Variants in DSTYK observed in about 807,000 individuals in gnomAD.
DSTYK encodes dual serine/threonine and tyrosine protein kinase.
Under a neutral mutation model 98.7 loss-of-function variants are expected in DSTYK, and 34 were observed. The ratio of observed to expected loss-of-function variants is 0.34; its 90% CI spans 0.26 to 0.46. The LOEUF (loss-of-function observed/expected upper bound fraction) is 0.46. DSTYK is among the 20% of genes least tolerant of loss of function. DSTYK has a pLI of 1.00. For synonymous variants in DSTYK, 462 were observed against 457.3 expected, an observed-to-expected ratio of 1.01 and a Z score of -0.13; for missense variants, 962 against 1,181.7, an observed-to-expected ratio of 0.81 and a Z score of 2.73.
intron 2 of DSTYK, among the ~76,000 whole-genome samples, chr1:205,184,027 A>G (rs1658496009): frequency 6.6e-6 from 1 of 152,168 alleles, no homozygotes; most frequent in Non-Finnish European, 1.5e-5. Context: ...AAAAGAGAAG[A>G]GAGAATATAT....
Position 205,174,739 on chromosome 1 carries a change from A to ATTT in DSTYK, c.655-4910_655-4908dup, listed in dbSNP as rs201713692. On this transcript the variant is annotated intron_variant, in intron 2 of 12. Coordinates refer to ENST00000367162, the MANE Select transcript of DSTYK (RefSeq NM_015375.3). ...AAAGGGATTTCAGGCTTTATTTTTA[A>ATTT]TTTTTTTTTTTTTTTTGAGACGGAG... is the stretch of plus-strand genomic sequence containing the variant. Among the ~76,000 whole-genome samples, 179 of 132,042 alleles carry ATTT rather than the reference A, an allele frequency of 1.4e-3. 4 individuals are homozygous for ATTT. Among genetic ancestry groups the ATTT allele is most frequent in the African/African-American group, 2.6e-3 (92 of 35,456 alleles). 86.6% of individuals were successfully genotyped at this position (132,042 alleles called of 152,430 possible). A position where few individuals can be genotyped will look rare whatever the true frequency, so the allele number is the denominator to read the frequency against.
chr1:205,188,336 T>C (rs1658616157), intron 1 of DSTYK, among the ~76,000 whole-genome samples: 1 of 152,202 alleles, frequency 6.6e-6, no homozygotes, highest in African/African-American at 2.4e-5. Context: ...TCAGGCAATT[T>C]TGTCATTGTG....
At chr1:205,157,201 T>A in intron 10 of DSTYK, 72 bp downstream of exon 10, 1 of 1,325,306 alleles carries the variant, frequency 7.5e-7, no homozygotes, top group Non-Finnish European at 1.1e-6. Context: ...CTAACTTACA[T>A]TTACATGTAC....
At chr1:205,175,132 C>T (rs1228774649) in intron 2 of DSTYK, among the ~76,000 whole-genome samples, 1 of 142,860 alleles carries the variant, frequency 7.0e-6, no homozygotes, top group East Asian at 2.2e-4. Context: ...GACAGAGTCT[C>T]GCTCTGTTGC....
chr1:205,167,434 C>T (rs182434554), intron 3 of DSTYK, among the ~76,000 whole-genome samples: 6 of 152,182 alleles, frequency 3.9e-5, no homozygotes, highest in African/African-American at 1.4e-4. Flanking sequence ...TTAAAGAAGA[C>T]TTCATGAAAA....
Position 205,163,831 on chromosome 1 carries a change from T to C in DSTYK, c.1449A>G (p.Ser483=), listed in dbSNP as rs774897273. Residue 483 remains serine (S), a synonymous_variant, in exon 4 of 13, where the codon TCA becomes TCG. Transcript: ENST00000367162. ...NQAVANKLIS[S]VDYLRESFVG... The stretch of plus-strand genomic sequence containing the variant: ...CGAAGCTTTCCCTCAGGTAATCCAC[T>C]GAGCTGATCAGCTTATTAGCCACTG... 7.4e-6 allele frequency: 12 copies of C among 1,614,046 alleles called. No individual in the cohort carries two copies. In the South Asian group the frequency reaches 1.3e-4, roughly 18 times the overall value.
At chr1:205,167,999 G>A (rs372120099) in intron 3 of DSTYK, among the ~76,000 whole-genome samples, 1 of 152,096 alleles carries the variant, frequency 6.6e-6, no homozygotes, top group Non-Finnish European at 1.5e-5. Context: ...CCAGTTACTC[G>A]GGAGGCTGAG....
At chr1:205,156,184 G>T (rs1657555326) in intron 10 of DSTYK, among the ~76,000 whole-genome samples, 1 of 152,260 alleles carries the variant, frequency 6.6e-6, no homozygotes, top group African/African-American at 2.4e-5. Flanking sequence ...ATGCAGAAGG[G>T]ATATGTGGGG....
rs534888184 is a variant in DSTYK, at chr1:205,159,089, T to A, written c.2238+458A>T. Among the ~76,000 whole-genome samples the A allele has an allele frequency of 7.6e-4, 113 of 148,538 alleles. 2 individuals carry two copies. In the East Asian group the frequency reaches 0.013, roughly 17 times the overall value. ...TAGGTTCTGATAAATCTTTAAAAAT[T>A]TTTTTTTTTTATTTTTAGAGATAGG... On this transcript the variant is annotated intron_variant, in intron 9 of 12. Coordinates refer to ENST00000367162, the MANE Select transcript of DSTYK (RefSeq NM_015375.3).
At chr1:205,202,716 G>A (rs1024448394) in intron 1 of DSTYK, 17 of 850,566 alleles carry the variant, frequency 2.0e-5, no homozygotes, top group South Asian at 2.8e-5. Context: ...AGAAACTGAA[G>A]AAACAAAAAC....
chr1:205,155,062 G>A (rs1657518802), intron 10 of DSTYK, among the ~76,000 whole-genome samples: 1 of 152,020 alleles, frequency 6.6e-6, no homozygotes, highest in East Asian at 1.9e-4. Flanking sequence ...TCAGCTCACT[G>A]CAACCTCTGC....
chr1:205,160,936 C>A (rs1482975207), intron 7 of DSTYK, among the ~76,000 whole-genome samples: 1 of 151,970 alleles, frequency 6.6e-6, no homozygotes, highest in African/African-American at 2.4e-5. Context: ...AGTGCCACCA[C>A]GCCCAGCTAA....
intron 1 of DSTYK, among the ~76,000 whole-genome samples, chr1:205,191,530 C>T (rs1228315739): frequency 6.6e-6 from 1 of 152,210 alleles, no homozygotes; most frequent in Non-Finnish European, 1.5e-5. Flanking sequence ...TAATCTTTAA[C>T]ATGCTTTCCA....
In DSTYK at chr1:205,192,466, C is replaced by T. The variant is rs1032791818; in HGVS notation, c.266-4660G>A. ...GAAGACTCCTTGACCCTGGGGAGGT[C>T]GAGGCTGCAGTGATCTGTGATCACG... On this transcript the variant is annotated intron_variant, in intron 1 of 12. Coordinates refer to ENST00000367162, the MANE Select transcript of DSTYK (RefSeq NM_015375.3). 2.0e-4 allele frequency among the ~76,000 whole-genome samples: 31 copies of T among 152,010 alleles called. 1 individual carries two copies. The highest frequency in any genetic ancestry group is 7.5e-4 in the African/African-American group (31 of 41,372).
At chr1:205,198,892 C>T (rs1414570747) in intron 1 of DSTYK, among the ~76,000 whole-genome samples, 3 of 147,856 alleles carry the variant, frequency 2.0e-5, no homozygotes, top group East Asian at 2.0e-4. Flanking sequence ...AGTGTGGTGG[C>T]GCGATCTCGA....
At position 205,145,033 on chromosome 1, in the gene DSTYK, C is replaced by G. The variant is rs1657181738; in HGVS notation, c.*2525G>C. On this transcript the variant is annotated 3_prime_UTR_variant, in exon 13 of 13. Coordinates refer to ENST00000367162, the MANE Select transcript of DSTYK (RefSeq NM_015375.3). Reference sequence around the variant, plus strand: ...GGAAAGGGAACTATATAAGACTTTTCCTAAAATTTCATACACAACAGACTT... The same window carrying G: ...GGAAAGGGAACTATATAAGACTTTTGCTAAAATTTCATACACAACAGACTT... 1 of 152,170 alleles carries G rather than the reference C, an allele frequency of 6.6e-6. No homozygotes were observed. Among genetic ancestry groups the G allele is most frequent in the Non-Finnish European group, 1.5e-5 (1 of 68,024 alleles). 9.4% of individuals were successfully genotyped at this position (152,170 alleles called of 1,614,324 possible). A position where few individuals can be genotyped will look rare whatever the true frequency, so the allele number is the denominator to read the frequency against.
rs991915655 is a variant in DSTYK at position 205,202,154 on chromosome 1, G to GC, written c.265+9116dup. 2.4e-5 allele frequency: 13 copies of GC among 537,302 alleles called. No homozygotes were observed. In the African/African-American group the frequency reaches 2.5e-4, roughly 10 times the overall value. The allele number at this position is 537,302 out of a possible 1,614,324, so 33.3% of individuals were successfully genotyped here. ...GGAAGGGGAAGGGGAAGGGGAAGGG[G>GC]CTTCTTCCCCTACGTGGCCTGAGGT... On this transcript the variant is annotated intron_variant, in intron 1 of 12. Transcript: ENST00000367162.
rs377101217 is a variant in DSTYK, at chr1:205,211,255, G to A, written c.265+16C>T. The A allele has an allele frequency of 1.0e-5, 16 of 1,591,388 alleles. No individual in the cohort carries two copies. The African/African-American group carries it at 1.2e-4, about 12-fold the overall frequency. On this transcript the variant is annotated intron_variant, in intron 1 of 12. Transcript: ENST00000367162. ...TGCCTCTCCTGCCCTCTCTCCCTCC[G>A]GGCTGCCCTCCTTACCCGCCTGCAG...
chr1:205,143,656 C>A lies in DSTYK; in HGVS notation c.*3902G>T, dbSNP rs1428001874. 1 of 152,482 alleles carries A rather than the reference C, an allele frequency of 6.6e-6. No homozygotes were observed. The highest frequency in any genetic ancestry group is 1.5e-5 in the Non-Finnish European group (1 of 67,994). 9.4% of individuals were successfully genotyped at this position (152,482 alleles called of 1,614,324 possible). On this transcript the variant is annotated 3_prime_UTR_variant, in exon 13 of 13. Coordinates refer to ENST00000367162, the MANE Select transcript of DSTYK (RefSeq NM_015375.3). ...CCAGTGCTAAATAATAAGCCAAAGC[C>A]AAAAAATAAAGTGTCATTCAGTGCA...
Sources: allele counts gnomAD v4.1 joint callset (sites outside exome capture counted in the v4.1 genomes callset), GRCh38; gene constraint gnomAD v4.1.1; transcripts MANE v1.5; gene names NCBI Gene and HGNC (gene_info 2026-07-23, HGNC 2026-07-21).